TP73: variants seen among roughly 807,000 people sequenced by gnomAD.
TP73 encodes tumor protein p73, also known as p53-like transcription factor.
In TP73, 25 loss-of-function variants were observed where a neutral mutation model predicts 62.5. The observed-to-expected ratio is 0.40, with a 90% CI of 0.29 to 0.56. TP73 has a LOEUF of 0.56. Among genes scored for constraint, TP73 ranks in the 20% least tolerant of loss-of-function variants. The pLI, the probability that TP73 is intolerant of heterozygous loss-of-function variation, is 0.46. For missense variants in TP73, 754 were observed against 913.3 expected, an observed-to-expected ratio of 0.83 and a Z score of 2.25; for synonymous variants, 423 against 377.5, an observed-to-expected ratio of 1.12 and a Z score of -1.40.
At chr1:3,708,523 C>A (rs1422794413) in intron 4 of TP73, 1 of 152,438 alleles carries the variant, frequency 6.6e-6, no homozygotes, top group Non-Finnish European at 1.5e-5. Context: ...CTTTTACAGC[C>A]AAGGAGGCTG....
chr1:3,699,867 C>T lies in TP73; in HGVS notation c.187-7682C>T, dbSNP rs768279306. ...TTTTCACGTGCCTCCCTCTCTGACT[C>T]GGATCCTAAGTGATTAGGATCAGAG... is the stretch of plus-strand genomic sequence containing the variant. On this transcript the variant is annotated intron_variant, in intron 3 of 13. Transcript: ENST00000378295. The surrounding 1 kb of genome is among the most constrained non-coding windows in gnomAD (Gnocchi z 4.1). Among the ~76,000 whole-genome samples, 47 of 152,048 alleles carry T rather than the reference C, an allele frequency of 3.1e-4. No individual in the cohort carries two copies. Among genetic ancestry groups the T allele is most frequent in the African/African-American group, 2.9e-4 (12 of 41,404 alleles).
At chr1:3,677,155 G>A (rs945766824) in intron 1 of TP73, among the ~76,000 whole-genome samples, 1 of 152,130 alleles carries the variant, frequency 6.6e-6, no homozygotes, top group African/African-American at 2.4e-5. Context: ...TGGGTCCCGG[G>A]GAAGCTGTGG....
intron 4 of TP73, among the ~76,000 whole-genome samples, chr1:3,709,152 C>G (rs1051743660): frequency 6.6e-6 from 1 of 152,180 alleles, no homozygotes; most frequent in Admixed American, 6.5e-5. Context: ...AGGCCCCGCC[C>G]GCCCCCACCT....
intron 3 of TP73, among the ~76,000 whole-genome samples, chr1:3,691,956 G>T (rs1181163576): frequency 6.6e-6 from 1 of 152,218 alleles, no homozygotes; most frequent in Non-Finnish European, 1.5e-5. Flanking sequence ...GCACATCAAT[G>T]TGCATGTGGC....
At chr1:3,720,320 A>C (rs1640968253) in intron 4 of TP73, among the ~76,000 whole-genome samples, 1 of 152,172 alleles carries the variant, frequency 6.6e-6, no homozygotes, top group Non-Finnish European at 1.5e-5. Flanking sequence ...CTTCCTGCCT[A>C]AGGCCCTGTG....
intron 6 of TP73, 70 bp downstream of exon 6, chr1:3,723,539 A>T: frequency 1.3e-6 from 1 of 761,360 alleles, no homozygotes. Context: ...GGGTCCCCTG[A>T]GGCAGCCCCT....
At chr1:3,719,182 G>A (rs377579015) in intron 4 of TP73, among the ~76,000 whole-genome samples, 9 of 152,168 alleles carry the variant, frequency 5.9e-5, no homozygotes, top group African/African-American at 1.9e-4. Context: ...CCTAGGGAGC[G>A]GCTAGGATGG....
At chr1:3,686,554 G>A (rs1248946171) in intron 3 of TP73, among the ~76,000 whole-genome samples, 4 of 152,198 alleles carry the variant, frequency 2.6e-5, no homozygotes, top group Admixed American at 2.6e-4. Context: ...CCCTGCAGAG[G>A]AGGCTGAGTT....
At chr1:3,681,902 A>G (rs1245655887) in intron 1 of TP73, among the ~76,000 whole-genome samples, 1 of 109,356 alleles carries the variant, frequency 9.1e-6, no homozygotes, top group Non-Finnish European at 2.2e-5. Context: ...AGCATCCCCC[A>G]GGCCAAACCT....
intron 3 of TP73, among the ~76,000 whole-genome samples, chr1:3,683,938 C>T (rs1254903224): frequency 6.6e-6 from 1 of 152,212 alleles, no homozygotes; most frequent in Non-Finnish European, 1.5e-5. Flanking sequence ...GTGAGGCCTC[C>T]GGCACCCCAT....
intron 3 of TP73, among the ~76,000 whole-genome samples, chr1:3,691,253 A>T (rs185589515): frequency 1.1e-3 from 160 of 152,150 alleles, no homozygotes; most frequent in African/African-American, 3.5e-3. Context: ...GGGGTCTCTG[A>T]TGCTCCTTGG....
At chr1:3,683,419 G>T (rs1645571018) in intron 3 of TP73, among the ~76,000 whole-genome samples, 1 of 152,060 alleles carries the variant, frequency 6.6e-6, no homozygotes, top group South Asian at 2.1e-4. Flanking sequence ...AGGGCTTCAG[G>T]CATGGCTAGA....
chr1:3,727,447 G>C (rs1378441076), intron 7 of TP73, 181 bp from the exon 8 acceptor site: 17 of 1,025,762 alleles, frequency 1.7e-5, no homozygotes, highest in Non-Finnish European at 2.2e-5. Flanking sequence ...TCTCAGGGCA[G>C]CCTCACAGCT....
intron 1 of TP73, among the ~76,000 whole-genome samples, chr1:3,656,026 A>C (rs953912256): frequency 2.0e-5 from 3 of 152,056 alleles, no homozygotes; most frequent in Non-Finnish European, 4.4e-5. Flanking sequence ...AAATACAAAA[A>C]ATTAGTCGGG....
At chr1:3,681,191 G>C (rs1410940812) in intron 1 of TP73, among the ~76,000 whole-genome samples, 1 of 152,200 alleles carries the variant, frequency 6.6e-6, no homozygotes, top group Admixed American at 6.5e-5. Flanking sequence ...AAAACGACAG[G>C]TTCCAGGCCA....
intron 1 of TP73, among the ~76,000 whole-genome samples, chr1:3,671,956 C>T (rs866595175): frequency 9.2e-5 from 14 of 152,046 alleles, no homozygotes; most frequent in African/African-American, 2.7e-4. Context: ...GAAGGGAACA[C>T]GCCAGGAGGG....
At chr1:3,690,583 C>T in intron 3 of TP73, 1 of 1,236,126 alleles carries the variant, frequency 8.1e-7, no homozygotes, top group Non-Finnish European at 1.0e-6. Context: ...TTGGTGCGGT[C>T]CAACACATCA....
intron 3 of TP73, chr1:3,690,695 A>T: frequency 7.0e-7 from 1 of 1,425,034 alleles, no homozygotes; most frequent in South Asian, 1.5e-5. Context: ...TGACAGAACT[A>T]AGGGAGATGG....
rs745542298 is a variant in TP73 at position 3,732,781 on chromosome 1, G to T, written c.1613G>T (p.Arg538Leu). The T allele has an allele frequency of 1.2e-6, 2 of 1,600,330 alleles. No homozygotes were observed. The highest frequency in any genetic ancestry group is 2.7e-5 in the African/African-American group (2 of 74,686). Residue 538 changes from arginine (R) to leucine (L), a missense_variant, in exon 14 of 14, where the codon CGC becomes CTC. Around this residue, in one of 3 missense-constraint regions of TP73, gnomAD observed 458 missense variants for 528.7 expected, o/e 0.87. Transcript: ENST00000378295. ...LGALKIPEQYRMTIWRGLQDL... is the reference protein window; with the variant it reads ...LGALKIPEQYLMTIWRGLQDL... The stretch of plus-strand genomic sequence containing the variant: ...GCCCTGAAGATCCCCGAGCAGTACC[G>T]CATGACCATCTGGCGGGGCCTGCAG...
Sources: allele counts gnomAD v4.1 joint callset (sites outside exome capture counted in the v4.1 genomes callset), GRCh38; gene constraint gnomAD v4.1.1; regional missense constraint gnomAD v4.1.1; non-coding constraint Gnocchi (gnomAD v3.1); transcripts MANE v1.5; gene names NCBI Gene and HGNC (gene_info 2026-07-23, HGNC 2026-07-21).